GRM5: variants seen among roughly 807,000 people sequenced by gnomAD.
The protein encoded by GRM5 is glutamate metabotropic receptor 5.
Under a neutral mutation model 83.1 loss-of-function variants are expected in GRM5, and 19 were observed. The ratio of observed to expected loss-of-function variants is 0.23; its 90% CI spans 0.16 to 0.34. The LOEUF is 0.34. GRM5 is among the 10% of genes least tolerant of loss of function. GRM5 has a pLI of 1.00. For missense variants in GRM5, 1,160 were observed against 1,588.3 expected, an observed-to-expected ratio of 0.73 and a Z score of 4.58; for synonymous variants, 675 against 633.6, an observed-to-expected ratio of 1.07 and a Z score of -0.98.
intron 9 of GRM5, among the ~76,000 whole-genome samples, chr11:88,522,247 T>C (rs920293206): frequency 2.0e-5 from 3 of 152,176 alleles, no homozygotes; most frequent in African/African-American, 7.2e-5. Context: ...TATAAAAGTC[T>C]CACATACATA....
chr11:89,041,618 C>T (rs1941536447), intron 2 of GRM5, among the ~76,000 whole-genome samples: 1 of 152,178 alleles, frequency 6.6e-6, no homozygotes, highest in African/African-American at 2.4e-5. Flanking sequence ...ATAGACTGTT[C>T]CTTCTGGAAG....
At chr11:88,578,857 A>T (rs1309354001) in intron 7 of GRM5, among the ~76,000 whole-genome samples, 5 of 151,502 alleles carry the variant, frequency 3.3e-5, no homozygotes, top group Non-Finnish European at 5.9e-5. Flanking sequence ...AACTGTTTGA[A>T]AAAAAAAAGA....
intron 2 of GRM5, among the ~76,000 whole-genome samples, chr11:89,042,305 A>C (rs1941553543): frequency 6.6e-6 from 1 of 152,216 alleles, no homozygotes; most frequent in African/African-American, 2.4e-5. Flanking sequence ...GAGAGGTAGA[A>C]AAATGGCAAA....
At position 88,823,190 on chromosome 11, in the gene GRM5, G is replaced by T. The variant is rs12278132; in HGVS notation, c.911+26716C>A. Reference sequence around the variant, plus strand: ...TACCCTTCTATTAGATGTTTTATTTGTTACATATGCTTTCATTTTAAGACC... The same window carrying T: ...TACCCTTCTATTAGATGTTTTATTTTTTACATATGCTTTCATTTTAAGACC... On this transcript the variant is annotated intron_variant, in intron 3 of 9. Coordinates refer to ENST00000305447, the MANE Select transcript of GRM5 (RefSeq NM_001143831.3). Among the ~76,000 whole-genome samples, 377 of 150,604 alleles carry T rather than the reference G, an allele frequency of 2.5e-3. 2 individuals carry two copies. Among genetic ancestry groups the T allele is most frequent in the African/African-American group, 8.9e-3 (366 of 41,088 alleles).
chr11:89,025,480 A>G (rs1421941090), intron 2 of GRM5, among the ~76,000 whole-genome samples: 2 of 152,228 alleles, frequency 1.3e-5, no homozygotes, highest in African/African-American at 4.8e-5. Context: ...GGAGCATGCA[A>G]TAATAGGAAC....
At chr11:88,720,995 C>T (rs1475910567) in intron 3 of GRM5, among the ~76,000 whole-genome samples, 6 of 152,044 alleles carry the variant, frequency 3.9e-5, no homozygotes, top group African/African-American at 1.2e-4. Context: ...CGTAGCATTT[C>T]TATATGTGGC....
chr11:88,712,642 C>T (rs920675007), intron 3 of GRM5, among the ~76,000 whole-genome samples: 8 of 151,882 alleles, frequency 5.3e-5, no homozygotes, highest in Admixed American at 2.0e-4. Flanking sequence ...GAATACTGTT[C>T]GTAGTTTGAT....
At chr11:89,056,779 A>G (rs571468533) in intron 1 of GRM5, among the ~76,000 whole-genome samples, 1 of 152,318 alleles carries the variant, frequency 6.6e-6, no homozygotes, top group East Asian at 1.9e-4. Flanking sequence ...ATGTATTAAT[A>G]GTTTGATTAT....
At chr11:88,788,603 T>G (rs1312534653) in intron 3 of GRM5, among the ~76,000 whole-genome samples, 4 of 152,174 alleles carry the variant, frequency 2.6e-5, no homozygotes, top group African/African-American at 9.6e-5. Flanking sequence ...AACTTGGCTC[T>G]AAAAGTTGTA....
rs372651303 is a variant in GRM5, at chr11:88,961,726, G to A, written c.661+85486C>T. 9.2e-5 allele frequency among the ~76,000 whole-genome samples: 14 copies of A among 152,078 alleles called. No individual in the cohort carries two copies. In the East Asian group the frequency reaches 1.4e-3, roughly 15 times the overall value. On this transcript the variant is annotated intron_variant, in intron 2 of 9. Coordinates refer to ENST00000305447, the MANE Select transcript of GRM5 (RefSeq NM_001143831.3). ...TCTTTTTCAATTTTATCATAAATTTGTCATCTGGCATTGAGCATTCCCTTC... is the reference window on the plus strand; with the variant it reads ...TCTTTTTCAATTTTATCATAAATTTATCATCTGGCATTGAGCATTCCCTTC...
intron 7 of GRM5, among the ~76,000 whole-genome samples, chr11:88,579,616 C>G (rs774804516): frequency 2.0e-5 from 3 of 152,004 alleles, no homozygotes; most frequent in Non-Finnish European, 4.4e-5. Flanking sequence ...GGGAAATTAC[C>G]CTGGGATAAG....
intron 3 of GRM5, among the ~76,000 whole-genome samples, chr11:88,702,702 G>A (rs535238263): frequency 2.6e-5 from 4 of 152,200 alleles, no homozygotes; most frequent in Non-Finnish European, 5.9e-5. Context: ...AATCATATAT[G>A]GAGATAAGTA....
intron 4 of GRM5, among the ~76,000 whole-genome samples, chr11:88,612,480 C>A (rs1344394787): frequency 6.6e-6 from 1 of 152,076 alleles, no homozygotes; most frequent in Non-Finnish European, 1.5e-5. Flanking sequence ...TGGGTATATA[C>A]CCAGTAATGG....
chr11:88,815,408 G>T (rs1046204075), intron 3 of GRM5, among the ~76,000 whole-genome samples: 2 of 152,182 alleles, frequency 1.3e-5, no homozygotes, highest in African/African-American at 4.8e-5. Context: ...ATTAAAATTT[G>T]TGAGTTATCA....
rs1397517111 is a variant in GRM5 at position 88,624,665 on chromosome 11, G to A, written c.1148-19701C>T. Among the ~76,000 whole-genome samples, 4 of 152,322 alleles carry A rather than the reference G, an allele frequency of 2.6e-5. No individual in the cohort carries two copies. The East Asian group carries it at 5.8e-4, about 22-fold the overall frequency. On this transcript the variant is annotated intron_variant, in intron 4 of 9. Transcript: ENST00000305447. ...CCACTGCACTCCAGCCTGGGCGACA[G>A]AGCAAGACCCTGTCTGTAAAGAATA...
At chr11:88,772,650 C>T (rs1942764369) in intron 3 of GRM5, among the ~76,000 whole-genome samples, 1 of 151,994 alleles carries the variant, frequency 6.6e-6, no homozygotes, top group Admixed American at 6.6e-5. Context: ...CGCGCTGTGT[C>T]CAAGTGATCT....
At chr11:88,655,194 C>T (rs1480062347) in intron 3 of GRM5, among the ~76,000 whole-genome samples, 1 of 152,082 alleles carries the variant, frequency 6.6e-6, no homozygotes, top group Admixed American at 6.6e-5. Flanking sequence ...TTACTTCACA[C>T]ATTATCTTCC....
chr11:88,510,233 T>G (rs762744660), intron 9 of GRM5, among the ~76,000 whole-genome samples: 77 of 152,208 alleles, frequency 5.1e-4, no homozygotes, highest in Admixed American at 3.3e-4. Flanking sequence ...TGAGTGAGAG[T>G]GCTGTATAAT....
intron 2 of GRM5, among the ~76,000 whole-genome samples, chr11:89,046,356 T>C (rs187744139): frequency 6.6e-5 from 10 of 152,300 alleles, no homozygotes; most frequent in Admixed American, 3.9e-4. Context: ...CAGTATTCTA[T>C]AGTGTTTAAT....
Sources: allele counts gnomAD v4.1 joint callset (sites outside exome capture counted in the v4.1 genomes callset), GRCh38; gene constraint gnomAD v4.1.1; transcripts MANE v1.5; gene names NCBI Gene and HGNC (gene_info 2026-07-23, HGNC 2026-07-21).